The following HECW2 variants were observed in gnomAD, a reference collection of about 807,000 sequenced individuals.
HECW2 encodes the protein E3 ubiquitin-protein ligase HECW2.
A neutral mutation model predicts 175.2 loss-of-function variants in HECW2; 61 were observed. The observed-to-expected ratio is 0.35, with a 90% CI of 0.28 to 0.43. The LOEUF (loss-of-function observed/expected upper bound fraction) is 0.43, where lower values mean the gene tolerates loss of function less well. Ranked by LOEUF, HECW2 falls within the 20% of genes least tolerant of loss-of-function variation. The pLI, the probability that HECW2 is intolerant of heterozygous loss-of-function variation, is 1.00. For synonymous variants in HECW2, 671 were observed against 731.0 expected (o/e 0.92, Z 1.32); for missense variants, 1,524 against 2,000.5 (o/e 0.76, Z 4.54).
chr2:196,338,300 T>C (rs1229112954), intron 3 of HECW2, among the ~76,000 whole-genome samples: 2 of 152,216 alleles, frequency 1.3e-5, no homozygotes, highest in Non-Finnish European at 2.9e-5. Flanking sequence ...TGGGTTTGTA[T>C]ATGAATAAAA....
At chr2:196,279,173 C>T (rs763950639) in intron 14 of HECW2, among the ~76,000 whole-genome samples, 5 of 152,098 alleles carry the variant, frequency 3.3e-5, no homozygotes, top group South Asian at 2.1e-4. Flanking sequence ...CTCAGCCTCC[C>T]GAGTAGCTGG....
chr2:196,526,547 A>C (rs1688656281), intron 1 of HECW2, among the ~76,000 whole-genome samples: 1 of 151,616 alleles, frequency 6.6e-6, no homozygotes, highest in African/African-American at 2.4e-5. Context: ...GGAGGAGGAG[A>C]GGCGCTCTGC....
intron 1 of HECW2, among the ~76,000 whole-genome samples, chr2:196,472,114 T>A (rs1697223973): frequency 6.6e-6 from 1 of 152,026 alleles, no homozygotes; most frequent in African/African-American, 2.4e-5. Flanking sequence ...ATCAACCACA[T>A]TTAGAGGGCG....
chr2:196,274,413 G>A (rs1444833264), intron 15 of HECW2, among the ~76,000 whole-genome samples: 1 of 152,214 alleles, frequency 6.6e-6, no homozygotes. Context: ...TACTGAGGCT[G>A]CAGCAGCTAA....
At chr2:196,578,609 G>GA (rs1690648477) in intron 1 of HECW2, among the ~76,000 whole-genome samples, 2 of 152,072 alleles carry the variant, frequency 1.3e-5, no homozygotes, top group Admixed American at 1.3e-4. Context: ...AAAGCAGTAT[G>GA]AAAAAAATAT....
chr2:196,533,476 T>TG (rs929955546), intron 1 of HECW2, among the ~76,000 whole-genome samples: 6 of 150,980 alleles, frequency 4.0e-5, no homozygotes, highest in Non-Finnish European at 4.4e-5. Flanking sequence ...TTTGTGTGTG[T>TG]GGGGGGGTAT....
chr2:196,246,671 T>C (rs972706200), intron 19 of HECW2, among the ~76,000 whole-genome samples: 1 of 152,102 alleles, frequency 6.6e-6, no homozygotes, highest in African/African-American at 2.4e-5. Flanking sequence ...ATTACAGGCA[T>C]GAGCCACTGT....
intron 2 of HECW2, among the ~76,000 whole-genome samples, chr2:196,375,667 T>C (rs530913004): frequency 6.6e-6 from 1 of 152,164 alleles, no homozygotes; most frequent in Admixed American, 6.5e-5. Context: ...TGGAAAAAGA[T>C]GTGGATATTG....
chr2:196,582,373 C>T (rs140265348), intron 1 of HECW2, among the ~76,000 whole-genome samples: 179 of 152,296 alleles, frequency 1.2e-3, no homozygotes, highest in African/African-American at 4.2e-3. Context: ...CCCTGACTGC[C>T]TTGTTGCAGT....
chr2:196,485,602 T>G (rs1024726743), intron 1 of HECW2, among the ~76,000 whole-genome samples: 1 of 152,172 alleles, frequency 6.6e-6, no homozygotes, highest in African/African-American at 2.4e-5. Context: ...CTCTTAACAT[T>G]ATCACATGGT....
chr2:196,444,621 T>C (rs1325306154), intron 1 of HECW2, among the ~76,000 whole-genome samples: 5 of 152,198 alleles, frequency 3.3e-5, no homozygotes, highest in African/African-American at 1.2e-4. Context: ...CAGCACTTTT[T>C]CAATGCCAAC....
intron 1 of HECW2, among the ~76,000 whole-genome samples, chr2:196,472,114 T>C (rs1697223973): frequency 6.6e-6 from 1 of 152,026 alleles, no homozygotes; most frequent in Admixed American, 6.5e-5. Flanking sequence ...ATCAACCACA[T>C]TTAGAGGGCG....
At chr2:196,230,972 G>A (rs1246044431) in intron 21 of HECW2, among the ~76,000 whole-genome samples, 6 of 151,372 alleles carry the variant, frequency 4.0e-5, no homozygotes, top group Non-Finnish European at 5.9e-5. Context: ...GTGTGGTGGC[G>A]CATGCCTGTA....
At chr2:196,352,414 T>C (rs548113619) in intron 2 of HECW2, among the ~76,000 whole-genome samples, 8 of 152,334 alleles carry the variant, frequency 5.3e-5, no homozygotes, top group African/African-American at 1.9e-4. Context: ...TGGGAATATC[T>C]GTGCACTGAA....
At chr2:196,208,327 A>C (rs1687142141) in intron 28 of HECW2, among the ~76,000 whole-genome samples, 1 of 152,228 alleles carries the variant, frequency 6.6e-6, no homozygotes, top group African/African-American at 2.4e-5. Flanking sequence ...ATGATTTTGG[A>C]ATTTCTTGTC....
At chr2:196,320,204 T>C in intron 8 of HECW2, 135 bp downstream of exon 8, 1 of 658,776 alleles carries the variant, frequency 1.5e-6, no homozygotes, top group Non-Finnish European at 2.6e-6. Context: ...TTTCAGCAGG[T>C]AATTATTTGA....
chr2:196,400,820 C>CAAAAAAAA (rs56242100), intron 2 of HECW2, among the ~76,000 whole-genome samples: 1 of 134,842 alleles, frequency 7.4e-6, no homozygotes. Context: ...CCACAAAATG[C>CAAAAAAAA]AAAAAAAAAA....
chr2:196,261,672 C>T (rs1558992086), intron 17 of HECW2, among the ~76,000 whole-genome samples: 1 of 152,176 alleles, frequency 6.6e-6, no homozygotes, highest in Non-Finnish European at 1.5e-5. Context: ...AAAGTATCCT[C>T]ATATTAATAG....
chr2:196,435,686 C>G (rs1191805468), intron 1 of HECW2, among the ~76,000 whole-genome samples: 2 of 152,180 alleles, frequency 1.3e-5, no homozygotes, highest in Non-Finnish European at 2.9e-5. Flanking sequence ...CTCTGAAGCC[C>G]AACTTCTGGA....
Sources: allele counts gnomAD v4.1 joint callset (sites outside exome capture counted in the v4.1 genomes callset), GRCh38; gene constraint gnomAD v4.1.1; transcripts MANE v1.5; gene names NCBI Gene and HGNC (gene_info 2026-07-23, HGNC 2026-07-21).